The following BRAF variants were observed in gnomAD, a reference collection of about 807,000 sequenced individuals.
The protein encoded by BRAF is B-Raf proto-oncogene, serine/threonine kinase.
BRAF carries 16 observed loss-of-function variants against 104.6 expected under a neutral mutation model. The ratio of observed to expected loss-of-function variants is 0.15; its 90% CI spans 0.10 to 0.23. BRAF has a LOEUF of 0.23. Among genes scored for constraint, BRAF ranks in the 10% least tolerant of loss-of-function variants. The pLI is 1.00. For missense variants in BRAF, 541 were observed against 937.3 expected (o/e 0.58, Z 5.52); for synonymous variants, 310 against 341.6 (o/e 0.91, Z 1.02).
At chr7:140,811,693 A>C (rs958549879) in intron 3 of BRAF, among the ~76,000 whole-genome samples, 16 of 152,206 alleles carry the variant, frequency 1.1e-4, no homozygotes, top group African/African-American at 3.9e-4. Flanking sequence ...ATGTACAAAA[A>C]ATTTAGTTTG....
intron 1 of BRAF, among the ~76,000 whole-genome samples, chr7:140,904,887 G>A (rs1201765704): frequency 6.6e-6 from 1 of 152,206 alleles, no homozygotes; most frequent in African/African-American, 2.4e-5. Flanking sequence ...GATTACAGGT[G>A]TGAGCCACTG....
chr7:140,844,128 T>G (rs2129069332), intron 2 of BRAF, among the ~76,000 whole-genome samples: 1 of 152,296 alleles, frequency 6.6e-6, no homozygotes, highest in African/African-American at 2.4e-5. Flanking sequence ...GCCACATGCA[T>G]ATGGGATAAG....
chr7:140,916,378 T>C lies in BRAF; in HGVS notation c.138+8188A>G, dbSNP rs191308263. 7.9e-5 allele frequency among the ~76,000 whole-genome samples: 12 copies of C among 152,322 alleles called. No homozygotes were observed. In the East Asian group the frequency reaches 1.9e-3, roughly 24 times the overall value. On this transcript the variant is annotated intron_variant, in intron 1 of 19. Transcript: ENST00000644969. ...TAGAAGAAACATAATGATTTAATGA[T>C]GCCCCTAAGATTCATAAAGATACTA...
intron 5 of BRAF, among the ~76,000 whole-genome samples, chr7:140,804,755 AT>A (rs1249302440): frequency 6.6e-6 from 1 of 152,094 alleles, no homozygotes; most frequent in Non-Finnish European, 1.5e-5. Context: ...CTACATGTAA[AT>A]TTTTTTATGA....
chr7:140,815,683 G>A (rs1804805892), intron 3 of BRAF, among the ~76,000 whole-genome samples: 1 of 151,912 alleles, frequency 6.6e-6, no homozygotes, highest in African/African-American at 2.4e-5. Context: ...TGACCCGCCT[G>A]CCTCAGCCTC....
In BRAF at chr7:140,770,593, C is replaced by T. The variant is rs968094445; in HGVS notation, c.1814+6319G>A. ...CTGGAATTTCTTTAGTAACAGTATT[C>T]TTAAGATATCTGGGTCCTTGGGATG... On this transcript the variant is annotated intron_variant, in intron 14 of 19. Transcript: ENST00000644969. 1.9e-4 allele frequency among the ~76,000 whole-genome samples: 28 copies of T among 144,868 alleles called. No homozygotes were observed. In the South Asian group the frequency reaches 5.0e-3, roughly 26 times the overall value.
intron 2 of BRAF, among the ~76,000 whole-genome samples, chr7:140,839,620 C>G (rs1807717274): frequency 6.6e-6 from 1 of 152,056 alleles, no homozygotes; most frequent in Admixed American, 6.6e-5. Flanking sequence ...GTCCCAGCAA[C>G]CCAGGAGGCT....
intron 7 of BRAF, 168 bp downstream of exon 7, chr7:140,800,194 T>C (rs1802938664): frequency 9.2e-7 from 1 of 1,089,048 alleles, no homozygotes; most frequent in African/African-American, 1.6e-5. Context: ...TTTAATCCCA[T>C]TTATTTGTAT....
chr7:140,754,164 C>A, intron 15 of BRAF, 23 bp downstream of exon 14: 1 of 1,609,756 alleles, frequency 6.2e-7, no homozygotes, highest in Non-Finnish European at 8.5e-7. Flanking sequence ...TCAAACTTCG[C>A]AGACAAATTT....
downstream of BRAF, among the ~76,000 whole-genome samples, chr7:140,715,128 T>G (rs1244371219): frequency 6.6e-6 from 1 of 152,192 alleles, no homozygotes; most frequent in East Asian, 1.9e-4. Context: ...AGCTGGGGTA[T>G]GGTATGATAG....
intron 1 of BRAF, among the ~76,000 whole-genome samples, chr7:140,870,017 GA>G (rs1020162631): frequency 1.3e-5 from 2 of 152,198 alleles, no homozygotes; most frequent in African/African-American, 4.8e-5. Context: ...GGGCAAGGGG[GA>G]AAGGAAGGAA....
intron 1 of BRAF, among the ~76,000 whole-genome samples, chr7:140,851,957 T>C (rs1809208541): frequency 6.6e-6 from 1 of 152,244 alleles, no homozygotes; most frequent in South Asian, 2.1e-4. Context: ...ATCTTTATTC[T>C]TCTACAAATG....
chr7:140,877,947 G>A (rs573648147), intron 1 of BRAF, among the ~76,000 whole-genome samples: 1 of 152,156 alleles, frequency 6.6e-6, no homozygotes, highest in East Asian at 1.9e-4. Context: ...GGTATTTAAA[G>A]AAGACATAAG....
At chr7:140,887,852 T>C (rs1198383990) in intron 1 of BRAF, among the ~76,000 whole-genome samples, 2 of 151,992 alleles carry the variant, frequency 1.3e-5, no homozygotes, top group African/African-American at 4.8e-5. Flanking sequence ...TAGCTGGGAC[T>C]ACAGATGCAT....
chr7:140,787,481 A>G, intron 9 of BRAF, 67 bp downstream of exon 9: 1 of 1,488,200 alleles, frequency 6.7e-7, no homozygotes, highest in Non-Finnish European at 9.4e-7. Flanking sequence ...GCAAGTATAA[A>G]GGAAATAAGC....
At chr7:140,869,113 T>C (rs900303641) in intron 1 of BRAF, among the ~76,000 whole-genome samples, 12 of 152,102 alleles carry the variant, frequency 7.9e-5, no homozygotes, top group African/African-American at 2.9e-4. Context: ...GAATTAAAAA[T>C]TATATTTAAA....
intron 2 of BRAF, among the ~76,000 whole-genome samples, chr7:140,848,069 G>C (rs776166158): frequency 1.3e-5 from 2 of 152,104 alleles, no homozygotes; most frequent in Non-Finnish European, 2.9e-5. Context: ...GTTCAATTTT[G>C]TGTGTCTAAT....
In BRAF at chr7:140,722,794, G is replaced by A. The variant is rs1795379918; in HGVS notation, c.*3700C>T. ...TTAAAATTACATCACTGTTAGTGAA[G>A]TGATACCACAGCTATTTAATTTCAT... On this transcript the variant is annotated 3_prime_UTR_variant, in exon 20 of 20. Coordinates refer to ENST00000644969, the MANE Select transcript of BRAF (RefSeq NM_001374258.1). The A allele has an allele frequency of 9.5e-7, 1 of 1,053,004 alleles. No homozygotes were observed. The highest frequency in any genetic ancestry group is 4.6e-5 in the South Asian group (1 of 21,882). The allele number at this position is 1,053,004 out of a possible 1,614,324, so 65.2% of individuals were successfully genotyped here. A position where few individuals can be genotyped will look rare whatever the true frequency, so the allele number is the denominator to read the frequency against.
Position 140,723,390 on chromosome 7 carries a change from G to C in BRAF, c.*3104C>G, listed in dbSNP as rs1795420264. ...AACATAAATATAGCATATATCATTT[G>C]TATGGGATTTTATCTTCTAAAATGC... On this transcript the variant is annotated 3_prime_UTR_variant, in exon 20 of 20. Transcript: ENST00000644969. 1.0e-5 allele frequency: 11 copies of C among 1,053,866 alleles called. No homozygotes were observed. Among genetic ancestry groups the C allele is most frequent in the Admixed American group, 5.5e-5 (1 of 18,258 alleles). The allele number at this position is 1,053,866 out of a possible 1,614,324, so 65.3% of individuals were successfully genotyped here.
Sources: gnomAD v4.1 joint callset for allele counts (sites outside exome capture counted in the v4.1 genomes callset) on GRCh38, gnomAD v4.1.1 for gene constraint, MANE v1.5 for transcripts, NCBI Gene and HGNC (gene_info 2026-07-23, HGNC 2026-07-21) for gene names.